The following RSRC1 variants were observed in gnomAD, a reference collection of about 807,000 sequenced individuals.
RSRC1 encodes serine/Arginine-related protein 53.
In RSRC1, 39 loss-of-function variants were observed where a neutral mutation model predicts 49.1. That is an observed-to-expected ratio of 0.79 (90% CI 0.61 to 1.04). RSRC1 has a LOEUF of 1.04. RSRC1 is among the 50% of genes least tolerant of loss of function. The pLI, the probability that RSRC1 is intolerant of heterozygous loss-of-function variation, is 0.00. For missense variants in RSRC1, 388 were observed against 402.4 expected (o/e 0.96, Z 0.31); for synonymous variants, 143 against 130.8 (o/e 1.09, Z -0.63).
At chr3:158,470,049 T>C (rs997066281) in intron 7 of RSRC1, among the ~76,000 whole-genome samples, 1 of 152,040 alleles carries the variant, frequency 6.6e-6, no homozygotes, top group South Asian at 2.1e-4. Context: ...CTAAGATACA[T>C]GGCTGTAACA....
chr3:158,465,060 C>T lies in RSRC1; in HGVS notation c.652+4057C>T, dbSNP rs549175083. 3.3e-5 allele frequency among the ~76,000 whole-genome samples: 5 copies of T among 152,276 alleles called. No homozygotes were observed. The South Asian group carries it at 8.3e-4, about 25-fold the overall frequency. On this transcript the variant is annotated intron_variant, in intron 7 of 9. Coordinates refer to ENST00000611884, the MANE Select transcript of RSRC1 (RefSeq NM_001271838.2). Reference sequence around the variant, plus strand: ...GTTGCTTACTGTAAAGTTTTCCTGTCCTAACTTAGATCTAGATCCATACTA... The same window carrying T: ...GTTGCTTACTGTAAAGTTTTCCTGTTCTAACTTAGATCTAGATCCATACTA...
At chr3:158,543,249 C>T in intron 8 of RSRC1, 86 bp from the exon 9 acceptor site, 1 of 1,205,516 alleles carries the variant, frequency 8.3e-7, no homozygotes. Flanking sequence ...ACTAATTGAA[C>T]AGTTGTTATT....
chr3:158,229,416 GTATGTATGTATGTA>G (rs1722820043), intron 4 of RSRC1, among the ~76,000 whole-genome samples: 1 of 124,538 alleles, frequency 8.0e-6, no homozygotes, highest in Admixed American at 8.0e-5. Flanking sequence ...ACGTATATGT[GTATGTATGTATGTA>G]TATACACATA....
At chr3:158,287,718 C>T (rs1726657480) in intron 4 of RSRC1, among the ~76,000 whole-genome samples, 1 of 152,062 alleles carries the variant, frequency 6.6e-6, no homozygotes, top group Admixed American at 6.6e-5. Context: ...CAACCATGGT[C>T]CCATTTTTAT....
At chr3:158,524,039 A>T (rs1229126088) in intron 7 of RSRC1, among the ~76,000 whole-genome samples, 3 of 152,060 alleles carry the variant, frequency 2.0e-5, no homozygotes, top group African/African-American at 7.2e-5. Context: ...CTTCAGCATC[A>T]TACTGGCAAA....
intron 3 of RSRC1, among the ~76,000 whole-genome samples, chr3:158,159,341 C>T (rs746628157): frequency 5.9e-5 from 9 of 152,134 alleles, no homozygotes; most frequent in South Asian, 4.2e-4. Context: ...TGGCCATTCA[C>T]CAAAGGGACT....
At chr3:158,198,545 G>A (rs955720654) in intron 3 of RSRC1, among the ~76,000 whole-genome samples, 1 of 152,140 alleles carries the variant, frequency 6.6e-6, no homozygotes, top group Non-Finnish European at 1.5e-5. Context: ...ATGTTAGCTG[G>A]TTATTTTGCT....
chr3:158,543,486 A>G lies in RSRC1; in HGVS notation c.911A>G (p.Asn304Ser), dbSNP rs756633938. 9.4e-6 allele frequency: 15 copies of G among 1,598,608 alleles called. No individual in the cohort carries two copies. The Admixed American group carries it at 1.1e-4, about 11-fold the overall frequency. Residue 304 changes from asparagine to serine, a missense_variant and splice_region_variant, in exon 9 of 10, where the codon AAT (asparagine) becomes AGT (serine). Coordinates refer to ENST00000611884, the MANE Select transcript of RSRC1 (RefSeq NM_001271838.2). ...GATGACAATTCCCTGGCCCATCCAA[A>G]TGTAATATCCTTAAACTTTACGAAT... ...YQDDNSLAHP[N>S]LFIEKADAEE...
At chr3:158,153,223 C>G (rs73164083) in intron 3 of RSRC1, among the ~76,000 whole-genome samples, 18,440 of 152,118 alleles carry the variant, frequency 0.12, 1,398 homozygotes, top group Middle Eastern at 0.2. Flanking sequence ...ACTTAAGTGC[C>G]TCTTCTAGAG....
chr3:158,288,281 T>C (rs2108095573), intron 4 of RSRC1, among the ~76,000 whole-genome samples: 1 of 152,286 alleles, frequency 6.6e-6, no homozygotes, highest in East Asian at 1.9e-4. Flanking sequence ...TATACCCTTC[T>C]CTTTGAAATC....
intron 5 of RSRC1, among the ~76,000 whole-genome samples, chr3:158,342,845 GA>G (rs562135891): frequency 6.6e-6 from 1 of 152,010 alleles, no homozygotes; most frequent in Admixed American, 6.5e-5. Flanking sequence ...GAGAGATGGG[GA>G]AAAAAATGAG....
intron 7 of RSRC1, among the ~76,000 whole-genome samples, chr3:158,527,077 CTTT>C (rs543523088): frequency 0.011 from 1,223 of 110,134 alleles, 15 homozygotes; most frequent in African/African-American, 0.037. Flanking sequence ...AGTTCAAAAT[CTTT>C]TTTTTTTTTT....
rs141845866 is a variant in RSRC1 at position 158,262,026 on chromosome 3, A to G, written c.495-36013A>G. 2.7e-3 allele frequency among the ~76,000 whole-genome samples: 414 copies of G among 152,334 alleles called. 1 individual carries two copies. Among genetic ancestry groups the G allele is most frequent in the Non-Finnish European group, 4.4e-3 (296 of 68,022 alleles). ...CCCATCCATGGAAAAATCGTCTTTC[A>G]TGAAACCTGGTTCTTGGTGCCAAAA... On this transcript the variant is annotated intron_variant, in intron 4 of 9. Coordinates refer to ENST00000611884, the MANE Select transcript of RSRC1 (RefSeq NM_001271838.2).
At chr3:158,316,371 T>A (rs953414672) in intron 5 of RSRC1, among the ~76,000 whole-genome samples, 5 of 151,548 alleles carry the variant, frequency 3.3e-5, no homozygotes, top group Non-Finnish European at 7.4e-5. Context: ...ACTTCCCTAC[T>A]CTGTTTGCTG....
intron 3 of RSRC1, among the ~76,000 whole-genome samples, chr3:158,134,445 A>G (rs1007528119): frequency 2.6e-5 from 4 of 152,322 alleles, no homozygotes; most frequent in African/African-American, 9.6e-5. Flanking sequence ...GTATTTTACT[A>G]TCAGTTGGTT....
At chr3:158,348,215 A>C (rs978546369) in intron 5 of RSRC1, among the ~76,000 whole-genome samples, 2 of 152,184 alleles carry the variant, frequency 1.3e-5, no homozygotes, top group Admixed American at 1.3e-4. Flanking sequence ...TAACTTCATC[A>C]ACTTTCAGAA....
At chr3:158,421,942 A>T (rs1307364494) in intron 6 of RSRC1, among the ~76,000 whole-genome samples, 2 of 151,848 alleles carry the variant, frequency 1.3e-5, no homozygotes, top group South Asian at 4.1e-4. Context: ...ATTAAATGTT[A>T]TTCATCCCTA....
chr3:158,453,947 G>C (rs1351036236), intron 6 of RSRC1, among the ~76,000 whole-genome samples: 1 of 151,964 alleles, frequency 6.6e-6, no homozygotes, highest in East Asian at 1.9e-4. Flanking sequence ...TGATGAGTTT[G>C]ATTAAATATA....
chr3:158,224,587 T>C (rs954497763), intron 4 of RSRC1, among the ~76,000 whole-genome samples: 1 of 151,852 alleles, frequency 6.6e-6, no homozygotes, highest in African/African-American at 2.4e-5. Context: ...TTAAAGGCTT[T>C]CTCATTTCCT....
Sources: allele counts gnomAD v4.1 joint callset (sites outside exome capture counted in the v4.1 genomes callset), GRCh38; gene constraint gnomAD v4.1.1; transcripts MANE v1.5; gene names NCBI Gene and HGNC (gene_info 2026-07-23, HGNC 2026-07-21).